The following INPP5D variants were observed in gnomAD, a reference collection of about 807,000 sequenced individuals.
The protein encoded by INPP5D is phosphatidylinositol 3,4,5-trisphosphate 5-phosphatase 1.
INPP5D carries 33 observed loss-of-function variants against 122.9 expected under a neutral mutation model. That is an observed-to-expected ratio of 0.27 (90% CI 0.20 to 0.36). The LOEUF is 0.36. Ranked by LOEUF, INPP5D falls within the 10% of genes least tolerant of loss-of-function variation. The pLI, the probability that INPP5D is intolerant of heterozygous loss-of-function variation, is 1.00. For missense variants in INPP5D, 1,053 were observed against 1,412.7 expected, an observed-to-expected ratio of 0.75 and a Z score of 4.08; for synonymous variants, 584 against 576.2, an observed-to-expected ratio of 1.01 and a Z score of -0.19.
chr2:233,069,519 G>A (rs540024379), intron 1 of INPP5D, among the ~76,000 whole-genome samples: 40 of 152,186 alleles, frequency 2.6e-4, no homozygotes, highest in African/African-American at 9.6e-4. Context: ...GTATATACAT[G>A]TATTACATGT....
chr2:233,175,688 T>G (rs1478084199), intron 17 of INPP5D, among the ~76,000 whole-genome samples: 1 of 149,512 alleles, frequency 6.7e-6, no homozygotes, highest in African/African-American at 2.4e-5. Flanking sequence ...AAACTTTTGT[T>G]TTTTTTTTTT....
chr2:233,185,742 A>T, intron 20 of INPP5D, 101 bp from the exon 21 acceptor site: 100 of 829,458 alleles, frequency 1.2e-4, no homozygotes, highest in Non-Finnish European at 1.5e-4. Context: ...AAAAAAGGAG[A>T]GAGCACATCT....
chr2:233,198,552 A>G (rs1695247081), intron 25 of INPP5D, among the ~76,000 whole-genome samples, 176 bp downstream of exon 25: 2 of 152,238 alleles, frequency 1.3e-5, no homozygotes, highest in South Asian at 4.1e-4. Flanking sequence ...GGAGTCTTCC[A>G]TGTCCTAACC....
chr2:233,091,102 C>T (rs1691980849), intron 2 of INPP5D, among the ~76,000 whole-genome samples: 1 of 152,322 alleles, frequency 6.6e-6, no homozygotes, highest in African/African-American at 2.4e-5. Flanking sequence ...TAAACTCCTT[C>T]CTGCCCCAGG....
In INPP5D at chr2:233,151,215, G is replaced by A. The variant is rs183248491; in HGVS notation, c.1030+3621G>A. 3.3e-5 allele frequency among the ~76,000 whole-genome samples: 5 copies of A among 152,256 alleles called. No homozygotes were observed. The East Asian group carries it at 9.7e-4, about 29-fold the overall frequency. The stretch of plus-strand genomic sequence containing the variant: ...TGCATGGGTGCAGTGGTACGCACCT[G>A]TATTCTTAGCTACTTGGGAGGCTGA... On this transcript the variant is annotated intron_variant, in intron 9 of 26. Coordinates refer to ENST00000445964, the MANE Select transcript of INPP5D (RefSeq NM_001017915.3).
At chr2:233,145,873 G>C (rs1693744606) in intron 6 of INPP5D, 2 of 589,056 alleles carry the variant, frequency 3.4e-6, no homozygotes, top group East Asian at 7.5e-5. Context: ...TAACATGCAA[G>C]GACAGTCCTC....
At chr2:233,137,854 ATATATATATAT>A (rs1243763175) in intron 5 of INPP5D, among the ~76,000 whole-genome samples, 275 of 8,890 alleles carry the variant, frequency 0.031, 8 homozygotes, top group Non-Finnish European at 0.031. Context: ...AAAAAAAAAA[ATATATATATAT>A]ATATATATAT....
At chr2:233,139,667 G>A (rs1407920096) in intron 5 of INPP5D, among the ~76,000 whole-genome samples, 175 bp from the exon 6 acceptor site, 2 of 152,222 alleles carry the variant, frequency 1.3e-5, no homozygotes, top group Non-Finnish European at 2.9e-5. Flanking sequence ...GGGAAGGGAT[G>A]GGTGGGCCAG....
chr2:233,129,094 G>T (rs1389888906), intron 4 of INPP5D, among the ~76,000 whole-genome samples: 1 of 151,996 alleles, frequency 6.6e-6, no homozygotes, highest in Non-Finnish European at 1.5e-5. Flanking sequence ...TGAACTTGGG[G>T]GTTGGAGGTT....
chr2:233,075,512 T>C (rs1413376600), intron 1 of INPP5D, among the ~76,000 whole-genome samples: 3 of 152,138 alleles, frequency 2.0e-5, no homozygotes, highest in Middle Eastern at 3.2e-3. Flanking sequence ...ATATTGTGTG[T>C]GTGTGTGTGC....
intron 4 of INPP5D, among the ~76,000 whole-genome samples, chr2:233,126,765 C>T (rs142158823): frequency 2.6e-5 from 4 of 152,006 alleles, no homozygotes; most frequent in African/African-American, 9.7e-5. Context: ...ACTAAAAATA[C>T]AAAAATTAGC....
intron 5 of INPP5D, among the ~76,000 whole-genome samples, chr2:233,133,719 T>C (rs1475717690): frequency 1.3e-5 from 2 of 152,146 alleles, no homozygotes; most frequent in East Asian, 3.9e-4. Context: ...AGAGGCCCTA[T>C]AGAGTTTGTG....
intron 2 of INPP5D, among the ~76,000 whole-genome samples, chr2:233,090,962 G>T (rs75020069): frequency 3.1e-4 from 27 of 86,700 alleles, no homozygotes; most frequent in African/African-American, 1.1e-3. Context: ...CCGTCTCAAA[G>T]AAAAAAAAAA....
chr2:233,195,525 G>A (rs113962439), intron 24 of INPP5D, 30 bp downstream of exon 24: 59 of 1,612,638 alleles, frequency 3.7e-5, no homozygotes, highest in Non-Finnish European at 4.8e-5. Flanking sequence ...GGTGTTGGGG[G>A]GGGTGGATAT....
chr2:233,205,877 A>G (rs867510675), intron 26 of INPP5D, among the ~76,000 whole-genome samples: 78 of 144,532 alleles, frequency 5.4e-4, no homozygotes, highest in African/African-American at 1.9e-3. Flanking sequence ...TCAGGAGTTC[A>G]AGACCAGCCT....
chr2:233,099,393 T>C (rs888701792), intron 2 of INPP5D, among the ~76,000 whole-genome samples: 1 of 152,210 alleles, frequency 6.6e-6, no homozygotes, highest in African/African-American at 2.4e-5. Context: ...AGCCCCACAT[T>C]GGAAGGCCTG....
At chr2:233,116,854 C>G (rs1403307402) in intron 2 of INPP5D, among the ~76,000 whole-genome samples, 2 of 152,170 alleles carry the variant, frequency 1.3e-5, no homozygotes, top group Non-Finnish European at 2.9e-5. Flanking sequence ...CTCGGCCTCC[C>G]AAATTGCTGG....
In INPP5D at chr2:233,188,239, C is replaced by T. The variant is rs544440956; in HGVS notation, c.2359-1611C>T. Among the ~76,000 whole-genome samples the T allele has an allele frequency of 1.3e-5, 2 of 152,104 alleles. No individual in the cohort carries two copies. The highest frequency in any genetic ancestry group is 2.9e-5 in the Non-Finnish European group (2 of 68,008). Reference sequence around the variant, plus strand: ...GCCTTCACCGTCTCCTGCTCCCTGACCCCCGCCCCACCCCTGTTGCCTGGC... The same window carrying T: ...GCCTTCACCGTCTCCTGCTCCCTGATCCCCGCCCCACCCCTGTTGCCTGGC... On this transcript the variant is annotated intron_variant, in intron 21 of 26. Coordinates refer to ENST00000445964, the MANE Select transcript of INPP5D (RefSeq NM_001017915.3). This position sits in a 1 kb window ranked among gnomAD's most constrained non-coding sequence, Gnocchi z 4.7.
chr2:233,128,935 C>T lies in INPP5D; in HGVS notation c.525-1573C>T, dbSNP rs1212200432. Reference sequence around the variant, plus strand: ...GTGGTTCACACCTGTTATCCCAGCACTTTGGGAGCCTGAGGCAGTGGATCA... The same window carrying T: ...GTGGTTCACACCTGTTATCCCAGCATTTTGGGAGCCTGAGGCAGTGGATCA... On this transcript the variant is annotated intron_variant, in intron 4 of 26. Coordinates refer to ENST00000445964, the MANE Select transcript of INPP5D (RefSeq NM_001017915.3). This position sits in a 1 kb window ranked among gnomAD's most constrained non-coding sequence, Gnocchi z 4.5. Among the ~76,000 whole-genome samples the T allele has an allele frequency of 6.6e-6, 1 of 152,144 alleles. No individual in the cohort carries two copies. The highest frequency in any genetic ancestry group is 2.4e-5 in the African/African-American group (1 of 41,422).
Sources: gnomAD v4.1 joint callset for allele counts (sites outside exome capture counted in the v4.1 genomes callset) on GRCh38, gnomAD v4.1.1 for gene constraint, Gnocchi (gnomAD v3.1) non-coding constraint, MANE v1.5 for transcripts, NCBI Gene and HGNC (gene_info 2026-07-23, HGNC 2026-07-21) for gene names.